The following LIMA1 variants were observed in gnomAD, a reference collection of about 807,000 sequenced individuals.
LIMA1 encodes the protein LIM domain and actin-binding protein 1.
In LIMA1, 52 loss-of-function variants were observed where a neutral mutation model predicts 62.6. That is an observed-to-expected ratio of 0.83 (90% CI 0.67 to 1.05). The LOEUF (loss-of-function observed/expected upper bound fraction) is 1.05, where lower values mean the gene tolerates loss of function less well. LIMA1 is among the 50% of genes least tolerant of loss of function. The pLI is 0.00. For synonymous variants in LIMA1, 302 were observed against 317.8 expected (o/e 0.95, Z 0.53); for missense variants, 780 against 902.2 (o/e 0.86, Z 1.74).
intron 2 of LIMA1, among the ~76,000 whole-genome samples, chr12:50,232,644 C>G (rs1052247503): frequency 2.1e-4 from 32 of 151,662 alleles, no homozygotes; most frequent in Non-Finnish European, 3.2e-4. Context: ...GCTGGGATTA[C>G]AGGCATGAGC....
chr12:50,273,327 C>T (rs750644219), intron 1 of LIMA1, among the ~76,000 whole-genome samples: 4 of 152,100 alleles, frequency 2.6e-5, no homozygotes, highest in East Asian at 1.9e-4. Context: ...ACATTTAATT[C>T]GGGACTGTAG....
chr12:50,225,354 T>C (rs1021534394), intron 3 of LIMA1, among the ~76,000 whole-genome samples: 2 of 152,162 alleles, frequency 1.3e-5, no homozygotes, highest in African/African-American at 2.4e-5. Flanking sequence ...CATGCCATTT[T>C]CCCTACTTGA....
chr12:50,185,466 G>C, intron 9 of LIMA1: 1 of 456,138 alleles, frequency 2.2e-6, no homozygotes, highest in South Asian at 1.5e-5. Flanking sequence ...AGACAAACAG[G>C]AACCTTCAAT....
intron 1 of LIMA1, among the ~76,000 whole-genome samples, chr12:50,279,172 A>C (rs1297549815): frequency 6.6e-6 from 1 of 150,764 alleles, no homozygotes; most frequent in Non-Finnish European, 1.5e-5. Flanking sequence ...TGCCCAGCTA[A>C]TTTTTGTATT....
At chr12:50,213,392 G>A (rs981342669) in intron 4 of LIMA1, among the ~76,000 whole-genome samples, 2 of 152,192 alleles carry the variant, frequency 1.3e-5, no homozygotes, top group East Asian at 3.8e-4. Flanking sequence ...TGGTAGAAGG[G>A]GTACTACCCA....
chr12:50,186,341 C>T (rs1258197916), intron 9 of LIMA1: 2 of 152,108 alleles, frequency 1.3e-5, no homozygotes, highest in Non-Finnish European at 2.9e-5. Flanking sequence ...AACACCAGGT[C>T]TTATCAAAGT....
chr12:50,216,040 CA>C (rs5798134), intron 4 of LIMA1, among the ~76,000 whole-genome samples: 98,586 of 143,226 alleles, frequency 0.69, 33,774 homozygotes, highest in East Asian at 0.94. Flanking sequence ...GAGGCTGTCT[CA>C]AAAAAAAAAA....
chr12:50,255,059 A>G (rs1229846085), intron 1 of LIMA1, among the ~76,000 whole-genome samples: 3 of 145,622 alleles, frequency 2.1e-5, no homozygotes, highest in Non-Finnish European at 4.5e-5. Context: ...AAAAAAAACC[A>G]CCAAACCAAA....
At chr12:50,224,896 ATTTTTTTT>A (rs773474227) in intron 3 of LIMA1, among the ~76,000 whole-genome samples, 27 of 104,844 alleles carry the variant, frequency 2.6e-4, no homozygotes, top group South Asian at 2.3e-3. Flanking sequence ...CATGCCTGGC[ATTTTTTTT>A]TTTTTTTTTT....
intron 7 of LIMA1, among the ~76,000 whole-genome samples, chr12:50,197,494 G>A (rs1446755447): frequency 6.6e-6 from 1 of 152,066 alleles, no homozygotes; most frequent in African/African-American, 2.4e-5. Context: ...TTTTAAGGCA[G>A]CTGAGGGTTT....
At chr12:50,283,242 G>C (rs1942361546) in intron 1 of LIMA1, among the ~76,000 whole-genome samples, 178 bp downstream of exon 1, 1 of 151,782 alleles carries the variant, frequency 6.6e-6, no homozygotes, top group South Asian at 2.1e-4. Context: ...CCCACCCAGC[G>C]CAGGCCCCAG....
intron 7 of LIMA1, among the ~76,000 whole-genome samples, chr12:50,199,699 TAGTGACTGCCTTTCAAAATAATATG>T (rs1941004140): frequency 6.6e-6 from 1 of 152,214 alleles, no homozygotes; most frequent in Non-Finnish European, 1.5e-5. Context: ...TTACTTAGCA[TAGTGACTGCCTTTCAAAATAATATG>T]AGTGGAAGAG....
At chr12:50,223,767 G>A (rs964391323) in intron 3 of LIMA1, among the ~76,000 whole-genome samples, 6 of 152,226 alleles carry the variant, frequency 3.9e-5, no homozygotes, top group Admixed American at 3.9e-4. Flanking sequence ...GCTGGGCGCA[G>A]TGGCTCATGC....
At chr12:50,261,752 G>A (rs962979792) in intron 1 of LIMA1, among the ~76,000 whole-genome samples, 1 of 151,854 alleles carries the variant, frequency 6.6e-6, no homozygotes, top group Non-Finnish European at 1.5e-5. Flanking sequence ...TTGCAGCCTC[G>A]AACTCCTGGG....
At chr12:50,229,407 C>A (rs1941577142) in intron 3 of LIMA1, among the ~76,000 whole-genome samples, 1 of 152,076 alleles carries the variant, frequency 6.6e-6, no homozygotes, top group Non-Finnish European at 1.5e-5. Context: ...ATGGATGAAG[C>A]TGGAAACCAT....
chr12:50,248,816 A>G, intron 1 of LIMA1, 42 bp from the exon 2 acceptor site: 1 of 984,356 alleles, frequency 1.0e-6, no homozygotes, highest in South Asian at 1.3e-5. Flanking sequence ...ACAGAAGAGG[A>G]TTCTCCAACA....
chr12:50,282,617 A>C (rs1163454670), intron 1 of LIMA1, among the ~76,000 whole-genome samples: 2 of 152,226 alleles, frequency 1.3e-5, no homozygotes, highest in East Asian at 3.8e-4. Context: ...CTCCCGCCTC[A>C]GTTTCCCAAA....
At chr12:50,273,694 C>CAGT (rs1942242127) in intron 1 of LIMA1, among the ~76,000 whole-genome samples, 2 of 152,146 alleles carry the variant, frequency 1.3e-5, no homozygotes, top group Admixed American at 1.3e-4. Context: ...TCTTTCTAAT[C>CAGT]AGTACACTGT....
intron 1 of LIMA1, among the ~76,000 whole-genome samples, chr12:50,266,421 T>C (rs1942138769): frequency 6.6e-6 from 1 of 152,228 alleles, no homozygotes; most frequent in South Asian, 2.1e-4. Flanking sequence ...AATTATTTAT[T>C]TCCTCTTGAA....
Sources: allele counts gnomAD v4.1 joint callset (sites outside exome capture counted in the v4.1 genomes callset), GRCh38; gene constraint gnomAD v4.1.1; transcripts MANE v1.5; gene names NCBI Gene and HGNC (gene_info 2026-07-23, HGNC 2026-07-21).